The following OPRD1 variants were observed in gnomAD, a reference collection of about 807,000 sequenced individuals.
OPRD1 encodes delta-type opioid receptor.
Under a neutral mutation model 17.5 loss-of-function variants are expected in OPRD1, and 19 were observed. That is an observed-to-expected ratio of 1.09 (90% confidence interval 0.76 to 1.60). The LOEUF is 1.60. Ranked by LOEUF, OPRD1 falls within the 40% of genes most tolerant of loss-of-function variation. OPRD1 has a pLI of 0.00. For missense variants in OPRD1, 483 were observed against 547.2 expected (o/e 0.88, Z 1.17); for synonymous variants, 256 against 240.9 (o/e 1.06, Z -0.58).
chr1:28,858,357 GC>G (rs2089077977), intron 1 of OPRD1, among the ~76,000 whole-genome samples: 1 of 150,666 alleles, frequency 6.6e-6, no homozygotes, highest in Non-Finnish European at 1.5e-5. Context: ...CTCGTGATCC[GC>G]CCGCCTCGGC....
intron 1 of OPRD1, among the ~76,000 whole-genome samples, chr1:28,855,745 G>A (rs1268612762): frequency 1.3e-5 from 2 of 152,216 alleles, no homozygotes; most frequent in Non-Finnish European, 2.9e-5. Flanking sequence ...TAATTGTTCT[G>A]CGTAAGAGCA....
Position 28,863,402 on chromosome 1 carries a change from G to T in OPRD1, c.*119G>T. ...AGTAGAAGGTCGGAGGCTTGGGACCGCCAGATGGGGCCTCTGTTTCGGAGA... is the reference window on the plus strand; with the variant it reads ...AGTAGAAGGTCGGAGGCTTGGGACCTCCAGATGGGGCCTCTGTTTCGGAGA... On this transcript the variant is annotated 3_prime_UTR_variant, in exon 3 of 3. Transcript: ENST00000234961. 8.9e-7 allele frequency: 1 copy of T among 1,126,298 alleles called. No homozygotes were observed. Among genetic ancestry groups the T allele is most frequent in the Non-Finnish European group, 1.2e-6 (1 of 846,480 alleles). 69.8% of individuals were successfully genotyped at this position (1,126,298 alleles called of 1,614,324 possible). A position where few individuals can be genotyped will look rare whatever the true frequency, so the allele number is the denominator to read the frequency against.
chr1:28,849,177 A>T (rs2088978174), intron 1 of OPRD1, among the ~76,000 whole-genome samples: 1 of 152,012 alleles, frequency 6.6e-6, no homozygotes, highest in African/African-American at 2.4e-5. Flanking sequence ...CTGAGGTGGG[A>T]GGATCACTTG....
At chr1:28,812,821 G>A (rs183972498) in intron 1 of OPRD1, among the ~76,000 whole-genome samples, 2 of 152,226 alleles carry the variant, frequency 1.3e-5, no homozygotes, top group Non-Finnish European at 1.5e-5. Context: ...TGGTGCGGGG[G>A]GGGGAGTGCG....
At chr1:28,831,936 GTT>G (rs2088811367) in intron 1 of OPRD1, among the ~76,000 whole-genome samples, 1 of 152,188 alleles carries the variant, frequency 6.6e-6, no homozygotes, top group Non-Finnish European at 1.5e-5. Context: ...AGCTCTATGA[GTT>G]TAGTACCATG....
intron 1 of OPRD1, among the ~76,000 whole-genome samples, chr1:28,820,915 TA>T (rs113408362): frequency 1.3e-5 from 2 of 151,662 alleles, no homozygotes; most frequent in South Asian, 2.1e-4. Flanking sequence ...ACCCCATATT[TA>T]AAAAAAAATT....
At chr1:28,836,898 C>T (rs933374827) in intron 1 of OPRD1, among the ~76,000 whole-genome samples, 9 of 152,180 alleles carry the variant, frequency 5.9e-5, no homozygotes, top group East Asian at 1.9e-4. Context: ...GGACCAATTT[C>T]GTGGAAGACA....
intron 1 of OPRD1, among the ~76,000 whole-genome samples, chr1:28,830,061 A>G (rs757987674): frequency 2.6e-5 from 4 of 152,100 alleles, no homozygotes; most frequent in Non-Finnish European, 4.4e-5. Flanking sequence ...AATTGGCCTA[A>G]TTTCAATATT....
intron 2 of OPRD1, among the ~76,000 whole-genome samples, chr1:28,859,820 G>A (rs1398897183): frequency 6.6e-6 from 1 of 152,174 alleles, no homozygotes; most frequent in Non-Finnish European, 1.5e-5. Flanking sequence ...TAGCCTGCAG[G>A]GAATGACAAA....
Position 28,865,768 on chromosome 1 carries a change from T to C in OPRD1, c.*2485T>C, listed in dbSNP as rs2089170724. ...GGTCGTCAGCATGGCAGGAGACACT[T>C]CTCCTCATCAGGGGTCCTCCTGTGA... On this transcript the variant is annotated 3_prime_UTR_variant, in exon 3 of 3. Coordinates refer to ENST00000234961, the MANE Select transcript of OPRD1 (RefSeq NM_000911.4). The C allele has an allele frequency of 6.6e-6, 1 of 151,932 alleles. No individual in the cohort carries two copies. Among genetic ancestry groups the C allele is most frequent in the Non-Finnish European group, 1.5e-5 (1 of 67,984 alleles). The allele number at this position is 151,932 out of a possible 1,614,324, so 9.4% of individuals were successfully genotyped here. A position where few individuals can be genotyped will look rare whatever the true frequency, so the allele number is the denominator to read the frequency against.
At chr1:28,836,997 A>G (rs1304257822) in intron 1 of OPRD1, among the ~76,000 whole-genome samples, 2 of 152,124 alleles carry the variant, frequency 1.3e-5, no homozygotes, top group Non-Finnish European at 2.9e-5. Context: ...CTTTATTTCT[A>G]TTATTATTAC....
intron 1 of OPRD1, among the ~76,000 whole-genome samples, chr1:28,858,047 G>C (rs969531559): frequency 7.9e-5 from 12 of 151,932 alleles, no homozygotes; most frequent in Non-Finnish European, 1.6e-4. Context: ...CGCCCACCTC[G>C]GCCTCCCAAA....
chr1:28,855,684 G>A (rs1429502090), intron 1 of OPRD1, among the ~76,000 whole-genome samples: 1 of 152,184 alleles, frequency 6.6e-6, no homozygotes, highest in East Asian at 1.9e-4. Flanking sequence ...AGCCCCCTCT[G>A]GGAATGGAAG....
At chr1:28,849,875 C>CTT (rs34907861) in intron 1 of OPRD1, among the ~76,000 whole-genome samples, 273 of 118,062 alleles carry the variant, frequency 2.3e-3, no homozygotes, top group African/African-American at 3.5e-3. Context: ...GAGAGTCAAA[C>CTT]TTTTTTTTTT....
At chr1:28,846,845 C>CT (rs58265288) in intron 1 of OPRD1, among the ~76,000 whole-genome samples, 251 of 58,800 alleles carry the variant, frequency 4.3e-3, no homozygotes, top group African/African-American at 0.014. Flanking sequence ...TTCTTTCTTT[C>CT]TTTTCTTTCT....
In OPRD1 at chr1:28,866,807, AG is replaced by A. The variant is rs373107262; in HGVS notation, c.*3525del. 4.2e-4 allele frequency: 64 copies of A among 152,336 alleles called. No homozygotes were observed. The highest frequency in any genetic ancestry group is 1.4e-3 in the African/African-American group (60 of 41,576). 9.4% of individuals were successfully genotyped at this position (152,336 alleles called of 1,614,324 possible). On this transcript the variant is annotated 3_prime_UTR_variant, in exon 3 of 3. Transcript: ENST00000234961. ...GAAGCTCTCCAAATCTTCACGTTTC[AG>A]AATGTACTGTGCATGGTGCATTTTA...
At chr1:28,822,183 T>C (rs2124261074) in intron 1 of OPRD1, among the ~76,000 whole-genome samples, 1 of 152,134 alleles carries the variant, frequency 6.6e-6, no homozygotes, top group East Asian at 1.9e-4. Flanking sequence ...CCTCCTGACC[T>C]CGTGATCCGC....
intron 1 of OPRD1, among the ~76,000 whole-genome samples, chr1:28,822,200 C>A (rs571180100): frequency 6.6e-6 from 1 of 152,030 alleles, no homozygotes; most frequent in African/African-American, 2.4e-5. Context: ...CCGCCCGACT[C>A]GTCCTCCCAA....
At position 28,862,883 on chromosome 1, in the gene OPRD1, T is replaced by C; in HGVS notation, c.719T>C (p.Leu240Pro). The part of the protein sequence containing the change: ...TVCYGLMLLR[L>P]RSVRLLSGSK... The stretch of plus-strand genomic sequence containing the variant: ...TGCTATGGCCTCATGCTGCTGCGCC[T>C]GCGCAGTGTGCGCCTGCTGTCGGGC... The change falls in exon 3 of 3, where the codon CTG becomes CCG. Residue 240 changes from leucine to proline, a missense_variant. Coordinates refer to ENST00000234961, the MANE Select transcript of OPRD1 (RefSeq NM_000911.4). The C allele has an allele frequency of 6.2e-7, 1 of 1,612,446 alleles. No individual in the cohort carries two copies. Among genetic ancestry groups the C allele is most frequent in the South Asian group, 1.1e-5 (1 of 91,090 alleles).
Sources: gnomAD v4.1 joint callset for allele counts (sites outside exome capture counted in the v4.1 genomes callset) on GRCh38, gnomAD v4.1.1 for gene constraint, MANE v1.5 for transcripts, NCBI Gene and HGNC (gene_info 2026-07-23, HGNC 2026-07-21) for gene names.